Variants in PELI2 observed in about 807,000 individuals in gnomAD.
PELI2 encodes pellino E3 ubiquitin protein ligase family member 2.
PELI2 carries 23 observed loss-of-function variants against 42.3 expected under a neutral mutation model. The ratio of observed to expected loss-of-function variants is 0.54; its 90% CI spans 0.39 to 0.77. The LOEUF (loss-of-function observed/expected upper bound fraction) is 0.77, where lower values mean the gene tolerates loss of function less well. PELI2 is among the 30% of genes least tolerant of loss of function. PELI2 has a pLI of 0.00. For missense variants in PELI2, 463 were observed against 553.2 expected (o/e 0.84, Z 1.64); for synonymous variants, 245 against 212.2 (o/e 1.15, Z -1.34).
At chr14:56,285,974 C>T (rs1469608235) in intron 3 of PELI2, among the ~76,000 whole-genome samples, 1 of 152,140 alleles carries the variant, frequency 6.6e-6, no homozygotes, top group South Asian at 2.1e-4. Flanking sequence ...TGAGAGGAAA[C>T]TTTTATGACA....
In PELI2 at chr14:56,180,302, G is replaced by A. The variant is rs1490244879; in HGVS notation, c.207+1838G>A. On this transcript the variant is annotated intron_variant, in intron 2 of 5. Coordinates refer to ENST00000267460, the MANE Select transcript of PELI2 (RefSeq NM_021255.3). This position sits in a 1 kb window ranked among gnomAD's most constrained non-coding sequence, Gnocchi z 4.4. Reference sequence around the variant, plus strand: ...TCTGTTGAATTAGAAAATATACTTTGTTCATAACAATAGAAATTATTCTGG... The same window carrying A: ...TCTGTTGAATTAGAAAATATACTTTATTCATAACAATAGAAATTATTCTGG... Among the ~76,000 whole-genome samples, 1 of 152,090 alleles carries A rather than the reference G, an allele frequency of 6.6e-6. No individual in the cohort carries two copies. Among genetic ancestry groups the A allele is most frequent in the Non-Finnish European group, 1.5e-5 (1 of 68,020 alleles).
In PELI2 at chr14:56,219,361, C is replaced by T. The variant is rs960739645; in HGVS notation, c.207+40897C>T. 6.6e-6 allele frequency among the ~76,000 whole-genome samples: 1 copy of T among 152,144 alleles called. No individual in the cohort carries two copies. Among genetic ancestry groups the T allele is most frequent in the Non-Finnish European group, 1.5e-5 (1 of 68,022 alleles). ...TATTTTTAAAATGAATGTTGACTTTCCTGAAGTTATAAACTGTTTTTAACT... is the reference window on the plus strand; with the variant it reads ...TATTTTTAAAATGAATGTTGACTTTTCTGAAGTTATAAACTGTTTTTAACT... On this transcript the variant is annotated intron_variant, in intron 2 of 5. Coordinates refer to ENST00000267460, the MANE Select transcript of PELI2 (RefSeq NM_021255.3). This position sits in a 1 kb window ranked among gnomAD's most constrained non-coding sequence, Gnocchi z 4.1.
At chr14:56,236,021 G>A (rs759326908) in intron 2 of PELI2, among the ~76,000 whole-genome samples, 3 of 151,696 alleles carry the variant, frequency 2.0e-5, no homozygotes, top group African/African-American at 7.3e-5. Context: ...GGTCCTAGTG[G>A]GATTTCACCT....
Position 56,290,450 on chromosome 14 carries a change from A to G in PELI2, c.690A>G (p.Gly230=). The G allele has an allele frequency of 6.3e-7, 1 of 1,597,678 alleles. No individual in the cohort carries two copies. Among genetic ancestry groups the G allele is most frequent in the Non-Finnish European group, 8.6e-7 (1 of 1,169,194 alleles). The change falls in exon 5 of 6, where the codon GGA becomes GGG. Residue 230 remains glycine, a synonymous_variant. Transcript: ENST00000267460. ...LRETRSAQQR[G]KLVESETNVL... is the part of the protein sequence containing the mutation. ...AAACCAGGTCGGCCCAGCAACGAGG[A>G]AAGCTGGTGAGTGTGCTTCACTCTG...
intron 1 of PELI2, among the ~76,000 whole-genome samples, chr14:56,141,532 C>T (rs1365922350): frequency 6.6e-6 from 1 of 152,132 alleles, no homozygotes; most frequent in Non-Finnish European, 1.5e-5. Flanking sequence ...TGAAGAAATA[C>T]CTGAGACTGT....
chr14:56,191,240 C>G (rs984146886), intron 2 of PELI2, among the ~76,000 whole-genome samples: 1 of 152,232 alleles, frequency 6.6e-6, no homozygotes. Context: ...CAACACCCAG[C>G]TAGGACTCTT....
Position 56,288,405 on chromosome 14 carries a change from A to G in PELI2, c.310-32A>G. 1.3e-6 allele frequency: 2 copies of G among 1,565,624 alleles called. No individual in the cohort carries two copies. Among genetic ancestry groups the G allele is most frequent in the Non-Finnish European group, 1.8e-6 (2 of 1,138,526 alleles). On this transcript the variant is annotated intron_variant, in intron 3 of 5. Coordinates refer to ENST00000267460, the MANE Select transcript of PELI2 (RefSeq NM_021255.3). The surrounding 1 kb of genome is among the most constrained non-coding windows in gnomAD (Gnocchi z 4.6). ...AAAATACGGCACCCTGCTATTTTCC[A>G]AGTGAATCACGAGTACATTTGATTT...
chr14:56,282,998 A>G (rs1352627098), intron 3 of PELI2, among the ~76,000 whole-genome samples: 4 of 152,240 alleles, frequency 2.6e-5, no homozygotes, highest in Non-Finnish European at 1.5e-5. Context: ...CTTAAATTCA[A>G]AAACTACTGT....
At chr14:56,270,216 A>G (rs1889053173) in intron 2 of PELI2, among the ~76,000 whole-genome samples, 1 of 152,200 alleles carries the variant, frequency 6.6e-6, no homozygotes, top group Admixed American at 6.5e-5. Context: ...ATTTTGATTT[A>G]CTAGAAAATG....
chr14:56,285,452 G>C (rs1317632046), intron 3 of PELI2, among the ~76,000 whole-genome samples: 1 of 152,136 alleles, frequency 6.6e-6, no homozygotes, highest in Non-Finnish European at 1.5e-5. Flanking sequence ...AGTGGAGATT[G>C]GGTGTGCCGG....
At chr14:56,201,784 T>C (rs574912317) in intron 2 of PELI2, among the ~76,000 whole-genome samples, 10 of 152,350 alleles carry the variant, frequency 6.6e-5, no homozygotes, top group African/African-American at 2.4e-4. Flanking sequence ...ATTCCATCCA[T>C]AGTCAATTAG....
chr14:56,176,019 A>G (rs1340881707), intron 1 of PELI2, among the ~76,000 whole-genome samples: 1 of 152,222 alleles, frequency 6.6e-6, no homozygotes, highest in Non-Finnish European at 1.5e-5. Context: ...ATGGATGACT[A>G]TCTCTCTGTC....
At chr14:56,274,152 G>A (rs1889206545) in intron 2 of PELI2, among the ~76,000 whole-genome samples, 2 of 152,156 alleles carry the variant, frequency 1.3e-5, no homozygotes, top group Admixed American at 1.3e-4. Context: ...GAGCTAGCGT[G>A]GATGTCGTCA....
chr14:56,192,057 G>A (rs989563235), intron 2 of PELI2, among the ~76,000 whole-genome samples: 2 of 152,206 alleles, frequency 1.3e-5, no homozygotes, highest in Non-Finnish European at 2.9e-5. Flanking sequence ...GTTTCGCCAT[G>A]TTGGCCAGGC....
intron 2 of PELI2, among the ~76,000 whole-genome samples, chr14:56,253,513 A>T (rs1566666275): frequency 2.0e-5 from 3 of 152,242 alleles, no homozygotes; most frequent in African/African-American, 7.2e-5. Flanking sequence ...CTTAGGATAC[A>T]AAATCAATGT....
intron 1 of PELI2, among the ~76,000 whole-genome samples, chr14:56,174,631 G>A (rs1173946383): frequency 6.6e-6 from 1 of 152,156 alleles, no homozygotes; most frequent in African/African-American, 2.4e-5. Context: ...AAAAGTGTGT[G>A]TCACTTTCCC....
intron 2 of PELI2, among the ~76,000 whole-genome samples, chr14:56,209,675 C>T (rs11158081): frequency 0.4 from 61,294 of 151,964 alleles, 13,059 homozygotes; most frequent in South Asian, 0.53. Flanking sequence ...TGGGGATTTT[C>T]CAGTCATTTT....
At chr14:56,289,096 G>T (rs1889741512) in intron 4 of PELI2, among the ~76,000 whole-genome samples, 1 of 152,150 alleles carries the variant, frequency 6.6e-6, no homozygotes, top group Admixed American at 6.5e-5. Flanking sequence ...CCCTTATAGG[G>T]TTTCCTTGTA....
intron 2 of PELI2, among the ~76,000 whole-genome samples, chr14:56,261,681 C>T (rs904275158): frequency 2.0e-5 from 3 of 152,300 alleles, no homozygotes; most frequent in African/African-American, 7.2e-5. Flanking sequence ...TAACAATATT[C>T]ACCTCATGGT....
Sources: allele counts gnomAD v4.1 joint callset (sites outside exome capture counted in the v4.1 genomes callset), GRCh38; gene constraint gnomAD v4.1.1; non-coding constraint Gnocchi (gnomAD v3.1); transcripts MANE v1.5; gene names NCBI Gene and HGNC (gene_info 2026-07-23, HGNC 2026-07-21).